PRR5L: variants seen among roughly 807,000 people sequenced by gnomAD.
PRR5L encodes proline-rich protein 5-like.
PRR5L carries 21 observed loss-of-function variants against 36.4 expected under a neutral mutation model. The ratio of observed to expected loss-of-function variants is 0.58; its 90% CI spans 0.41 to 0.83. The LOEUF (loss-of-function observed/expected upper bound fraction) is 0.83, where lower values mean the gene tolerates loss of function less well. Ranked by LOEUF, PRR5L falls within the 40% of genes least tolerant of loss-of-function variation. The pLI is 0.00. For missense variants in PRR5L, 381 were observed against 473.3 expected (o/e 0.80, Z 1.81); for synonymous variants, 188 against 197.0 (o/e 0.95, Z 0.38).
chr11:36,304,379 T>A (rs1215465828), intron 1 of PRR5L, among the ~76,000 whole-genome samples: 2 of 152,294 alleles, frequency 1.3e-5, no homozygotes, highest in East Asian at 1.9e-4. Flanking sequence ...ATGGCAAAAA[T>A]CCCTGCTCTC....
intron 6 of PRR5L, among the ~76,000 whole-genome samples, chr11:36,445,820 T>G (rs1858816426): frequency 6.6e-6 from 1 of 152,214 alleles, no homozygotes. Flanking sequence ...AACAAATCCC[T>G]TTTCTCCTAC....
intron 1 of PRR5L, among the ~76,000 whole-genome samples, chr11:36,340,145 G>A (rs1255104521): frequency 6.6e-6 from 1 of 152,138 alleles, no homozygotes; most frequent in East Asian, 1.9e-4. Flanking sequence ...TGCTGGACTG[G>A]GCTCACCAAT....
chr11:36,463,209 C>G lies in PRR5L; in HGVS notation c.*473C>G, dbSNP rs1284421307. 2.0e-5 allele frequency: 3 copies of G among 153,540 alleles called. No individual in the cohort carries two copies. The highest frequency in any genetic ancestry group is 4.3e-5 in the Non-Finnish European group (3 of 69,066). 9.5% of individuals were successfully genotyped at this position (153,540 alleles called of 1,614,324 possible). On this transcript the variant is annotated 3_prime_UTR_variant, in exon 9 of 9. Transcript: ENST00000530639. Reference sequence around the variant, plus strand: ...TGAAAAATTAGTGGAGAGGGAACTCCTCTCCCCCATTTTGTGTAGAGTGAA... The same window carrying G: ...TGAAAAATTAGTGGAGAGGGAACTCGTCTCCCCCATTTTGTGTAGAGTGAA...
rs986439721 is a variant in PRR5L, at chr11:36,463,025, C to A, written c.*289C>A. On this transcript the variant is annotated 3_prime_UTR_variant, in exon 9 of 9. Coordinates refer to ENST00000530639, the MANE Select transcript of PRR5L (RefSeq NM_001160167.2). Reference sequence around the variant, plus strand: ...CTCAGATCCTCATCTCTGGGCCTTTCTCCCTCCGATGTTGGACTGCCTGAT... The same window carrying A: ...CTCAGATCCTCATCTCTGGGCCTTTATCCCTCCGATGTTGGACTGCCTGAT... 4 of 336,966 alleles carry A rather than the reference C, an allele frequency of 1.2e-5. No individual in the cohort carries two copies. The highest frequency in any genetic ancestry group is 8.4e-5 in the African/African-American group (4 of 47,496). The allele number at this position is 336,966 out of a possible 1,614,324, so 20.9% of individuals were successfully genotyped here. A position where few individuals can be genotyped will look rare whatever the true frequency, so the allele number is the denominator to read the frequency against.
chr11:36,382,083 G>A (rs1281794638), intron 1 of PRR5L, among the ~76,000 whole-genome samples: 9 of 152,154 alleles, frequency 5.9e-5, no homozygotes, highest in Non-Finnish European at 1.0e-4. Flanking sequence ...GCTTGAAGCC[G>A]GGAGGCAGAG....
chr11:36,315,408 G>A (rs181413511), intron 1 of PRR5L, among the ~76,000 whole-genome samples: 82 of 152,246 alleles, frequency 5.4e-4, no homozygotes, highest in Non-Finnish European at 1.0e-3. Context: ...TGGAAATCCT[G>A]ATGTTATTTT....
At chr11:36,401,568 G>A (rs1186544209) in intron 2 of PRR5L, among the ~76,000 whole-genome samples, 1 of 152,042 alleles carries the variant, frequency 6.6e-6, no homozygotes, top group East Asian at 1.9e-4. Flanking sequence ...GGGACTACAG[G>A]CACATGCCAC....
intron 1 of PRR5L, among the ~76,000 whole-genome samples, chr11:36,387,525 G>A (rs998456987): frequency 4.6e-5 from 7 of 152,172 alleles, no homozygotes; most frequent in Admixed American, 3.3e-4. Context: ...GCTGAGGGAT[G>A]GTTCTGAGTT....
In PRR5L at chr11:36,419,298, T is replaced by C; in HGVS notation, c.289T>C (p.Phe97Leu). The C allele has an allele frequency of 6.2e-7, 1 of 1,613,870 alleles. No individual in the cohort carries two copies. The highest frequency in any genetic ancestry group is 8.5e-7 in the Non-Finnish European group (1 of 1,179,736). Residue 97 changes from phenylalanine to leucine, a missense_variant, in exon 4 of 9, where the codon TTT becomes CTT. By Grantham distance (22) the Phe-to-Leu change is conservative. Transcript: ENST00000530639. ...SELGSFITDY[F>L]QNQLLAKGLF... The stretch of plus-strand genomic sequence containing the variant: ...ACTTGGATCATTCATTACAGACTAT[T>C]TTCAGGTAAGCTGTGTGGATCTGAG...
intron 1 of PRR5L, among the ~76,000 whole-genome samples, chr11:36,388,626 C>T (rs1028347069): frequency 6.6e-6 from 1 of 150,636 alleles, no homozygotes; most frequent in East Asian, 2.0e-4. Context: ...ATCCTTTTTA[C>T]ATAGATGGTA....
At position 36,376,792 on chromosome 11, in the gene PRR5L, T is replaced by C. The variant is rs549608012; in HGVS notation, c.-125-24205T>C. On this transcript the variant is annotated intron_variant, in intron 1 of 8. Transcript: ENST00000530639. ...GGATTGAGCGAAAATTACCGCGCGC[T>C]AATCTGACGGGGCGCGGCGTGGCGG... is the stretch of plus-strand genomic sequence containing the variant. 8.5e-5 allele frequency: 76 copies of C among 897,828 alleles called. No individual in the cohort carries two copies. In the African/African-American group the frequency reaches 1.4e-3, roughly 16 times the overall value. The allele number at this position is 897,828 out of a possible 1,614,324, so 55.6% of individuals were successfully genotyped here.
intron 3 of PRR5L, among the ~76,000 whole-genome samples, chr11:36,403,787 G>A (rs1341438529): frequency 2.6e-5 from 4 of 152,136 alleles, no homozygotes; most frequent in Admixed American, 2.6e-4. Flanking sequence ...ACATTTGAGT[G>A]CGTCTCTGTT....
intron 1 of PRR5L, among the ~76,000 whole-genome samples, chr11:36,325,796 A>T (rs1856656456): frequency 6.6e-6 from 1 of 152,154 alleles, no homozygotes; most frequent in Non-Finnish European, 1.5e-5. Flanking sequence ...TCTATAAGTT[A>T]AACTAATTTT....
chr11:36,451,121 G>C (rs1480275703), intron 7 of PRR5L, 88 bp from the exon 8 acceptor site: 8 of 1,500,036 alleles, frequency 5.3e-6, no homozygotes, highest in Middle Eastern at 1.8e-4. Context: ...GTACATTGGA[G>C]GAGGACAATC....
chr11:36,430,805 C>T (rs1015806383), intron 4 of PRR5L, among the ~76,000 whole-genome samples: 2 of 152,196 alleles, frequency 1.3e-5, no homozygotes, highest in African/African-American at 4.8e-5. Context: ...CAAAATCGCA[C>T]AGCTAGAATG....
At chr11:36,325,871 C>T (rs1040295587) in intron 1 of PRR5L, among the ~76,000 whole-genome samples, 4 of 152,274 alleles carry the variant, frequency 2.6e-5, no homozygotes, top group African/African-American at 9.6e-5. Context: ...GACAAATATC[C>T]TTTCAGTAAT....
intron 5 of PRR5L, among the ~76,000 whole-genome samples, chr11:36,432,942 G>C (rs954640351): frequency 3.3e-5 from 5 of 152,154 alleles, no homozygotes; most frequent in African/African-American, 7.2e-5. Flanking sequence ...TGCTTACCAA[G>C]CCTTGGGAAG....
intron 1 of PRR5L, among the ~76,000 whole-genome samples, chr11:36,305,260 A>G (rs1856418783): frequency 1.3e-5 from 2 of 152,214 alleles, no homozygotes; most frequent in Admixed American, 6.5e-5. Flanking sequence ...TGCTAAGTGC[A>G]AGAAGTCAGT....
intron 4 of PRR5L, among the ~76,000 whole-genome samples, chr11:36,422,174 A>C (rs1034057500): frequency 6.6e-6 from 1 of 152,252 alleles, no homozygotes; most frequent in African/African-American, 2.4e-5. Flanking sequence ...CTGCTTAAAA[A>C]TGGGCTGGTT....
Sources: gnomAD v4.1 joint callset for allele counts (sites outside exome capture counted in the v4.1 genomes callset) on GRCh38, gnomAD v4.1.1 for gene constraint, MANE v1.5 for transcripts, NCBI Gene and HGNC (gene_info 2026-07-23, HGNC 2026-07-21) for gene names.